Variants in DOCK2 observed in about 807,000 individuals in gnomAD.
DOCK2 encodes the protein dedicator of cytokinesis 2, also known as dedicator of cytokinesis protein 2.
In DOCK2, 87 loss-of-function variants were observed where a neutral mutation model predicts 248.9. That is an observed-to-expected ratio of 0.35 (90% CI 0.29 to 0.42). The LOEUF (loss-of-function observed/expected upper bound fraction) is 0.42. DOCK2 is among the 10% of genes least tolerant of loss of function. DOCK2 has a pLI of 1.00. For missense variants in DOCK2, 1,747 were observed against 2,300.2 expected (o/e 0.76, Z 4.92); for synonymous variants, 805 against 821.6 (o/e 0.98, Z 0.35).
intron 23 of DOCK2, 65 bp downstream of exon 23, chr5:169,747,569 G>A: frequency 2.2e-6 from 3 of 1,384,990 alleles, no homozygotes; most frequent in Non-Finnish European, 1.0e-6. Context: ...AGCATGCTAA[G>A]ATAATATCTT....
chr5:169,786,452 T>G (rs1765986667), intron 25 of DOCK2, among the ~76,000 whole-genome samples: 1 of 152,140 alleles, frequency 6.6e-6, no homozygotes, highest in Non-Finnish European at 1.5e-5. Flanking sequence ...GTTTTAATAT[T>G]TAATGAGATG....
intron 26 of DOCK2, among the ~76,000 whole-genome samples, chr5:169,817,378 G>T (rs1768129696): frequency 6.6e-6 from 1 of 152,184 alleles, no homozygotes; most frequent in African/African-American, 2.4e-5. Context: ...CATTAGCTAA[G>T]CACCTATGAT....
chr5:169,693,347 C>A (rs1241590797), intron 9 of DOCK2, among the ~76,000 whole-genome samples: 1 of 152,090 alleles, frequency 6.6e-6, no homozygotes, highest in Non-Finnish European at 1.5e-5. Flanking sequence ...AAATAACCTA[C>A]TTATATTCAG....
chr5:169,778,476 C>T (rs1246034140), intron 25 of DOCK2, among the ~76,000 whole-genome samples: 2 of 152,204 alleles, frequency 1.3e-5, no homozygotes, highest in Non-Finnish European at 2.9e-5. Flanking sequence ...CTCTTTTACT[C>T]AGTCCTTTCA....
At chr5:169,795,162 G>A (rs556164362) in intron 25 of DOCK2, among the ~76,000 whole-genome samples, 19 of 151,986 alleles carry the variant, frequency 1.3e-4, no homozygotes, top group Admixed American at 3.3e-4. Context: ...CACTTTTTAC[G>A]TTCAATATAA....
At chr5:169,894,477 G>A (rs1365016110) in intron 27 of DOCK2, among the ~76,000 whole-genome samples, 1 of 152,200 alleles carries the variant, frequency 6.6e-6, no homozygotes, top group East Asian at 1.9e-4. Flanking sequence ...CCCTGGTACA[G>A]CAAAGCATTG....
At chr5:169,669,362 T>C (rs1367993233) in intron 3 of DOCK2, 34 bp downstream of exon 3, 4 of 1,613,350 alleles carry the variant, frequency 2.5e-6, no homozygotes, top group South Asian at 2.2e-5. Flanking sequence ...GTGTCAGTAC[T>C]GGAGGTCTTC....
intron 27 of DOCK2, among the ~76,000 whole-genome samples, chr5:169,896,575 T>C (rs1773623554): frequency 6.6e-6 from 1 of 152,220 alleles, no homozygotes; most frequent in African/African-American, 2.4e-5. Flanking sequence ...CATAAATCTT[T>C]CAGAAAAGCG....
Position 169,661,855 on chromosome 5 carries a change from C to T in DOCK2, c.127+7369C>T, listed in dbSNP as rs115770747. ...GTATATTACAGTTTCTTTATCTACT[C>T]ATCCACTGGTGAGAGCACTTGGGTT... On this transcript the variant is annotated intron_variant, in intron 2 of 51. Transcript: ENST00000520908. 9.4e-3 allele frequency among the ~76,000 whole-genome samples: 1,439 copies of T among 152,304 alleles called. 23 individuals carry two copies. Among genetic ancestry groups the T allele is most frequent in the African/African-American group, 0.033 (1,355 of 41,562 alleles).
chr5:169,834,993 T>C (rs1769471927), intron 26 of DOCK2, among the ~76,000 whole-genome samples: 1 of 151,906 alleles, frequency 6.6e-6, no homozygotes. Context: ...TTAAAAAAAC[T>C]AAACATTCAG....
intron 22 of DOCK2, among the ~76,000 whole-genome samples, chr5:169,732,587 G>C (rs978100435): frequency 6.6e-6 from 1 of 152,140 alleles, no homozygotes; most frequent in South Asian, 2.1e-4. Flanking sequence ...AGTATGCAGC[G>C]TGAGACAGAA....
chr5:169,854,057 T>A (rs1276830350), intron 27 of DOCK2, among the ~76,000 whole-genome samples: 1 of 151,602 alleles, frequency 6.6e-6, no homozygotes, highest in Admixed American at 6.6e-5. Flanking sequence ...TCTCCTGACC[T>A]CGTGATCCGC....
rs778839388 is a variant in DOCK2 at position 169,708,254 on chromosome 5, T to C, written c.1469T>C (p.Met490Thr). 2 of 1,613,756 alleles carry C rather than the reference T, an allele frequency of 1.2e-6. No individual in the cohort carries two copies. Among genetic ancestry groups the C allele is most frequent in the Non-Finnish European group, 1.7e-6 (2 of 1,179,884 alleles). ...VYYQVKQPRW[M>T]ETVKVAVPIE... ...TATCAAGTCAAACAGCCACGCTGGA[T>C]GGAAACAGTCAAGGTAATAATTAAT... The change falls in exon 15 of 52, where the codon ATG becomes ACG. Residue 490 changes from methionine (M) to threonine (T), a missense_variant. Transcript: ENST00000520908.
intron 25 of DOCK2, among the ~76,000 whole-genome samples, chr5:169,800,940 CTTTCTTTTTTTTTT>C (rs1766927663): frequency 1.6e-5 from 1 of 63,456 alleles, no homozygotes; most frequent in Non-Finnish European, 2.6e-5. Context: ...TCTTTTCTTT[CTTTCTTTTTTTTTT>C]TTTTTTTTTT....
Position 170,051,966 on chromosome 5 carries a change from G to A in DOCK2, c.4213+1569G>A, listed in dbSNP as rs181628839. On this transcript the variant is annotated intron_variant, in intron 41 of 51. Transcript: ENST00000520908. ...GCCAAGCATGGTCTTTAGTGGGCCA[G>A]CAGCCAGTGCTGGGCAACAGACAGG... 2.2e-3 allele frequency among the ~76,000 whole-genome samples: 340 copies of A among 152,330 alleles called. 4 individuals carry two copies. The highest frequency in any genetic ancestry group is 7.4e-3 in the African/African-American group (307 of 41,570).
intron 46 of DOCK2, among the ~76,000 whole-genome samples, chr5:170,071,330 T>C (rs1337884365): frequency 1.3e-5 from 2 of 152,232 alleles, no homozygotes; most frequent in Non-Finnish European, 2.9e-5. Flanking sequence ...TAATTCTATG[T>C]TGGATTTTGG....
intron 26 of DOCK2, among the ~76,000 whole-genome samples, chr5:169,816,815 A>G (rs1325039105): frequency 6.6e-6 from 1 of 152,150 alleles, no homozygotes; most frequent in Non-Finnish European, 1.5e-5. Flanking sequence ...TCAAGCAACC[A>G]TCCTTTGTGT....
Position 169,790,298 on chromosome 5 carries a change from T to G in DOCK2, c.2555-12760T>G, listed in dbSNP as rs151235119. On this transcript the variant is annotated intron_variant, in intron 25 of 51. Coordinates refer to ENST00000520908, the MANE Select transcript of DOCK2 (RefSeq NM_004946.3). ...TTGTTCTTTTTGGTATTTGTAAGTTTTGTGATGGGGGCAATATAGGATTGT... is the reference window on the plus strand; with the variant it reads ...TTGTTCTTTTTGGTATTTGTAAGTTGTGTGATGGGGGCAATATAGGATTGT... Among the ~76,000 whole-genome samples the G allele has an allele frequency of 3.3e-3, 510 of 152,322 alleles. 6 individuals are homozygous for G. Among genetic ancestry groups the G allele is most frequent in the African/African-American group, 0.011 (473 of 41,578 alleles).
At chr5:169,792,978 A>T (rs1169872575) in intron 25 of DOCK2, among the ~76,000 whole-genome samples, 1 of 152,184 alleles carries the variant, frequency 6.6e-6, no homozygotes, top group Non-Finnish European at 1.5e-5. Flanking sequence ...CAGTGGGGTA[A>T]CTAAGGGTGC....
Sources: allele counts gnomAD v4.1 joint callset (sites outside exome capture counted in the v4.1 genomes callset), GRCh38; gene constraint gnomAD v4.1.1; transcripts MANE v1.5; gene names NCBI Gene and HGNC (gene_info 2026-07-23, HGNC 2026-07-21).